ERBB4: variants seen among roughly 807,000 people sequenced by gnomAD.
The protein encoded by ERBB4 is receptor tyrosine-protein kinase erbB-4.
Under a neutral mutation model 158.0 loss-of-function variants are expected in ERBB4, and 42 were observed. The observed-to-expected ratio is 0.27, with a 90% CI of 0.21 to 0.34. The LOEUF (loss-of-function observed/expected upper bound fraction) is 0.34. Ranked by LOEUF, ERBB4 falls within the 10% of genes least tolerant of loss-of-function variation. The pLI is 1.00. For missense variants in ERBB4, 1,333 were observed against 1,624.1 expected (o/e 0.82, Z 3.08); for synonymous variants, 583 against 558.7 (o/e 1.04, Z -0.61).
intron 20 of ERBB4, among the ~76,000 whole-genome samples, chr2:211,507,556 C>G (rs574108418): frequency 3.9e-5 from 6 of 152,028 alleles, no homozygotes; most frequent in Non-Finnish European, 5.9e-5. Flanking sequence ...GATACATAGA[C>G]CAGTTAAACA....
chr2:211,624,374 C>A (rs2069754471), intron 17 of ERBB4, among the ~76,000 whole-genome samples: 1 of 151,970 alleles, frequency 6.6e-6, no homozygotes, highest in South Asian at 2.1e-4. Context: ...TTAAAATATA[C>A]CTGGGAAGCC....
intron 2 of ERBB4, among the ~76,000 whole-genome samples, chr2:212,066,321 GA>G (rs1206830410): frequency 6.6e-6 from 1 of 151,774 alleles, no homozygotes; most frequent in African/African-American, 2.4e-5. Flanking sequence ...TCTTACCTAG[GA>G]AAAAATAAAA....
rs1559419685 is a variant in ERBB4 at position 212,062,396 on chromosome 2, A to ATTTTTTTTTTTTTTTTT, written c.234+62355_234+62356insAAAAAAAAAAAAAAAAA. Among the ~76,000 whole-genome samples the ATTTTTTTTTTTTTTTTT allele has an allele frequency of 7.3e-5, 7 of 96,536 alleles. 1 individual carries two copies. The highest frequency in any genetic ancestry group is 1.0e-4 in the Non-Finnish European group (5 of 48,982). 63.3% of individuals were successfully genotyped at this position (96,536 alleles called of 152,430 possible). Reference sequence around the variant, plus strand: ...CTCCTACTACTCTTCTCACTTGTCAATTCTTTTTTTTTTTTTTTTTTTTTT... The same window carrying ATTTTTTTTTTTTTTTTT: ...CTCCTACTACTCTTCTCACTTGTCAATTTTTTTTTTTTTTTTTTTCTTTTTTTTTTTTTTTTTTTTTT... On this transcript the variant is annotated intron_variant, in intron 2 of 27. Transcript: ENST00000342788.
chr2:212,496,268 T>C (rs1368517051), intron 1 of ERBB4, among the ~76,000 whole-genome samples: 2 of 149,826 alleles, frequency 1.3e-5, no homozygotes, highest in Non-Finnish European at 2.9e-5. Flanking sequence ...ATATCGATTG[T>C]TGATTGACCT....
At chr2:211,819,979 C>T (rs1164012259) in intron 3 of ERBB4, among the ~76,000 whole-genome samples, 1 of 151,632 alleles carries the variant, frequency 6.6e-6, no homozygotes, top group East Asian at 1.9e-4. Context: ...CAGATGAGAC[C>T]CACCAGATTG....
Position 211,380,675 on chromosome 2 carries a change from T to C in ERBB4, c.*2940A>G, listed in dbSNP as rs2062560003. 1 of 231,928 alleles carries C rather than the reference T, an allele frequency of 4.3e-6. No individual in the cohort carries two copies. Among genetic ancestry groups the C allele is most frequent in the Non-Finnish European group, 8.5e-6 (1 of 117,284 alleles). The allele number at this position is 231,928 out of a possible 1,614,324, so 14.4% of individuals were successfully genotyped here. A position where few individuals can be genotyped will look rare whatever the true frequency, so the allele number is the denominator to read the frequency against. On this transcript the variant is annotated 3_prime_UTR_variant, in exon 28 of 28. Coordinates refer to ENST00000342788, the MANE Select transcript of ERBB4 (RefSeq NM_005235.3). ...ACAAAAAACACTCAAACAACTGAAG[T>C]CAATTATATACTACAGAAATCATTC...
chr2:211,700,910 T>G (rs1361514114), intron 12 of ERBB4, among the ~76,000 whole-genome samples: 1 of 152,198 alleles, frequency 6.6e-6, no homozygotes, highest in Non-Finnish European at 1.5e-5. Context: ...ATTCTTTTTA[T>G]TCAGTATTTA....
chr2:211,684,763 AC>A (rs1324177976), intron 12 of ERBB4, among the ~76,000 whole-genome samples: 1 of 152,182 alleles, frequency 6.6e-6, no homozygotes, highest in Non-Finnish European at 1.5e-5. Flanking sequence ...GGTCTGAAGG[AC>A]CCTATGAGGA....
intron 2 of ERBB4, among the ~76,000 whole-genome samples, chr2:212,100,930 C>T (rs1265950200): frequency 6.6e-6 from 1 of 152,092 alleles, no homozygotes; most frequent in Non-Finnish European, 1.5e-5. Context: ...TTGAAAGCCA[C>T]AGGTAAGTAG....
intron 3 of ERBB4, among the ~76,000 whole-genome samples, chr2:211,822,723 CTATT>C (rs143279978): frequency 0.19 from 29,085 of 151,798 alleles, 3,074 homozygotes; most frequent in South Asian, 0.33. Flanking sequence ...TATTGTATAA[CTATT>C]TATTATATAA....
At chr2:212,318,971 C>A (rs1910866) in intron 1 of ERBB4, among the ~76,000 whole-genome samples, 105,909 of 151,190 alleles carry the variant, frequency 0.7, 40,329 homozygotes, top group Non-Finnish European at 0.85. Context: ...GTTCTCTTTG[C>A]TTCAGGTTCT....
At chr2:211,966,362 C>A (rs1246181098) in intron 2 of ERBB4, among the ~76,000 whole-genome samples, 1 of 152,110 alleles carries the variant, frequency 6.6e-6, no homozygotes, top group Non-Finnish European at 1.5e-5. Context: ...CTGCCTCAGC[C>A]TCCTGAAGAG....
At chr2:211,573,664 C>T (rs994203303) in intron 19 of ERBB4, among the ~76,000 whole-genome samples, 10 of 150,306 alleles carry the variant, frequency 6.7e-5, no homozygotes, top group South Asian at 4.2e-4. Context: ...AGCGAGACTC[C>T]GTCTCAAAAA....
In ERBB4 at chr2:211,383,892, C is replaced by A. The variant is rs765120252; in HGVS notation, c.3650G>T (p.Gly1217Val). 1.9e-6 allele frequency: 3 copies of A among 1,614,054 alleles called. No individual in the cohort carries two copies. In the South Asian group the frequency reaches 3.3e-5, roughly 18 times the overall value. ...GTTGTTCTTCAGGTACTCAGCTTTT[C>A]CCAAGGTGTTGGCAAAGGTGTTGAG... ...LYLNTFANTLGKAEYLKNNIL... is the reference protein window; with the variant it reads ...LYLNTFANTLVKAEYLKNNIL... The change falls in exon 28 of 28, where the codon GGA (glycine) becomes GTA (valine). Residue 1217 changes from glycine to valine, a missense_variant. Physicochemically the swap from Gly to Val is moderately radical, Grantham distance 109. Transcript: ENST00000342788.
At chr2:211,885,073 T>C (rs996453733) in intron 3 of ERBB4, among the ~76,000 whole-genome samples, 2 of 152,210 alleles carry the variant, frequency 1.3e-5, no homozygotes, top group African/African-American at 4.8e-5. Context: ...TTTTTTAAAA[T>C]GATTACTGTA....
At chr2:212,086,839 A>C (rs929099161) in intron 2 of ERBB4, among the ~76,000 whole-genome samples, 1 of 152,014 alleles carries the variant, frequency 6.6e-6, no homozygotes, top group Non-Finnish European at 1.5e-5. Flanking sequence ...TTTAAACCTG[A>C]TGCAAAGTAC....
intron 1 of ERBB4, among the ~76,000 whole-genome samples, chr2:212,131,814 A>G (rs527779626): frequency 6.6e-5 from 10 of 152,300 alleles, no homozygotes; most frequent in African/African-American, 2.4e-4. Context: ...GCATTTTGCA[A>G]TGAATGTTTG....
intron 2 of ERBB4, among the ~76,000 whole-genome samples, chr2:212,065,204 A>G (rs956305395): frequency 1.3e-5 from 2 of 152,074 alleles, no homozygotes; most frequent in Non-Finnish European, 2.9e-5. Flanking sequence ...ACGTGTTTAG[A>G]CAACCCCTTC....
intron 2 of ERBB4, among the ~76,000 whole-genome samples, chr2:212,117,380 C>T (rs1174713004): frequency 6.6e-6 from 1 of 152,184 alleles, no homozygotes; most frequent in African/African-American, 2.4e-5. Context: ...TTCCTTGAAT[C>T]TAATGATGGC....
Sources: allele counts gnomAD v4.1 joint callset (sites outside exome capture counted in the v4.1 genomes callset), GRCh38; gene constraint gnomAD v4.1.1; transcripts MANE v1.5; gene names NCBI Gene and HGNC (gene_info 2026-07-23, HGNC 2026-07-21).